RAD51B: variants seen among roughly 807,000 people sequenced by gnomAD.
RAD51B encodes the protein RAD51 paralog B.
Under a neutral mutation model 42.2 loss-of-function variants are expected in RAD51B, and 38 were observed. The ratio of observed to expected loss-of-function variants is 0.90; its 90% CI spans 0.70 to 1.18. The LOEUF (loss-of-function observed/expected upper bound fraction) is 1.18, where lower values mean the gene tolerates loss of function less well. Ranked by LOEUF, RAD51B falls within the 50% of genes most tolerant of loss-of-function variation. The probability of loss-of-function intolerance (pLI) is 0.00; values close to 1 mark genes in which losing one functional copy is unlikely to be tolerated. For synonymous variants in RAD51B, 154 were observed against 145.2 expected, an observed-to-expected ratio of 1.06 and a Z score of -0.43; for missense variants, 373 against 400.7, an observed-to-expected ratio of 0.93 and a Z score of 0.59.
At chr14:68,591,750 C>A (rs1269282534) in intron 10 of RAD51B, among the ~76,000 whole-genome samples, 2 of 152,188 alleles carry the variant, frequency 1.3e-5, no homozygotes, top group Non-Finnish European at 2.9e-5. Context: ...GGTCCTGCTA[C>A]CATGTGGTGC....
At position 68,286,610 on chromosome 14, in the gene RAD51B, A is replaced by G. The variant is rs2081418913; in HGVS notation, c.757-5274A>G. On this transcript the variant is annotated intron_variant, in intron 7 of 10. Coordinates refer to ENST00000471583, the MANE Select transcript of RAD51B (RefSeq NM_133510.4). ...TCTTCACCTGTACATTCTAGTACTC[A>G]TGGAAGGCTCCAGTATACAAAATGG... Among the ~76,000 whole-genome samples the G allele has an allele frequency of 3.3e-5, 5 of 152,298 alleles. No individual in the cohort carries two copies. In the South Asian group the frequency reaches 1.0e-3, roughly 32 times the overall value.
chr14:68,267,292 G>A (rs958699183), intron 7 of RAD51B, among the ~76,000 whole-genome samples: 1 of 152,230 alleles, frequency 6.6e-6, no homozygotes, highest in Admixed American at 6.5e-5. Context: ...CGTGACAACC[G>A]CAGATATTAA....
chr14:68,313,712 C>T (rs1476175452), intron 8 of RAD51B, among the ~76,000 whole-genome samples: 1 of 152,200 alleles, frequency 6.6e-6, no homozygotes, highest in Non-Finnish European at 1.5e-5. Context: ...ACAAAGGAAT[C>T]CTTCACCTCT....
intron 9 of RAD51B, among the ~76,000 whole-genome samples, chr14:68,424,482 A>G (rs2084784681): frequency 6.6e-6 from 1 of 152,166 alleles, no homozygotes; most frequent in African/African-American, 2.4e-5. Flanking sequence ...TGCCTATACC[A>G]AGCTGTTCTC....
At chr14:68,408,509 C>G (rs1415210019) in intron 8 of RAD51B, among the ~76,000 whole-genome samples, 1 of 152,144 alleles carries the variant, frequency 6.6e-6, no homozygotes, top group Admixed American at 6.5e-5. Context: ...CAAATGGGCT[C>G]TCATCCTTTT....
Position 67,825,534 on chromosome 14 carries a change from T to A in RAD51B, c.155T>A (p.Leu52His). 1 of 1,613,654 alleles carries A rather than the reference T, an allele frequency of 6.2e-7. No homozygotes were observed. The highest frequency in any genetic ancestry group is 1.1e-5 in the South Asian group (1 of 91,022). The change falls in exon 3 of 11, where the codon CTT becomes CAT. Residue 52 changes from leucine to histidine, a missense_variant. By Grantham distance (99) the Leu-to-His change is moderately conservative. Transcript: ENST00000471583. Reference protein sequence around the residue: ...TGLSYRGVHELLCMVSRACAP... With the variant: ...TGLSYRGVHEHLCMVSRACAP... ...CTGAGTTATCGAGGTGTCCATGAAC[T>A]TCTATGTATGGTCAGCAGGGCCTGT...
chr14:68,625,282 C>T (rs769482141), intron 10 of RAD51B, among the ~76,000 whole-genome samples: 5 of 152,166 alleles, frequency 3.3e-5, no homozygotes, highest in Admixed American at 3.3e-4. Flanking sequence ...CTCCTCCAGG[C>T]ATTTTACCTG....
intron 7 of RAD51B, among the ~76,000 whole-genome samples, chr14:68,219,660 C>A (rs1056454511): frequency 6.6e-6 from 1 of 152,088 alleles, no homozygotes; most frequent in Non-Finnish European, 1.5e-5. Context: ...AAGGGAGCAC[C>A]CCGTGTCCCA....
chr14:68,463,850 A>T (rs555003053), intron 9 of RAD51B, among the ~76,000 whole-genome samples: 16 of 152,190 alleles, frequency 1.1e-4, no homozygotes, highest in African/African-American at 3.4e-4. Context: ...TGCATCAGGC[A>T]TGGTTTCCTG....
intron 7 of RAD51B, among the ~76,000 whole-genome samples, chr14:67,920,804 T>C (rs887058104): frequency 6.6e-6 from 1 of 151,900 alleles, no homozygotes; most frequent in Admixed American, 6.6e-5. Flanking sequence ...GAAAAAAAAA[T>C]TGACATATAA....
In RAD51B at chr14:68,331,367, CA is replaced by C. The variant is rs778136542; in HGVS notation, c.853+39405del. On this transcript the variant is annotated intron_variant, in intron 8 of 10. Transcript: ENST00000471583. Reference sequence around the variant, plus strand: ...TGGGCTACAGAACGAGACTCTGTCTCAAAAAAAAAAAAAAAAAAGCAATGGT... The same window carrying C: ...TGGGCTACAGAACGAGACTCTGTCTCAAAAAAAAAAAAAAAAAGCAATGGT... Among the ~76,000 whole-genome samples, 324 of 32,946 alleles carry C rather than the reference CA, an allele frequency of 9.8e-3. 28 individuals carry two copies. Among genetic ancestry groups the C allele is most frequent in the South Asian group, 0.033 (21 of 642 alleles). 21.6% of individuals were successfully genotyped at this position (32,946 alleles called of 152,430 possible). A position where few individuals can be genotyped will look rare whatever the true frequency, so the allele number is the denominator to read the frequency against.
At chr14:68,181,721 TC>T in intron 7 of RAD51B, among the ~76,000 whole-genome samples, 1 of 152,218 alleles carries the variant, frequency 6.6e-6, no homozygotes, top group African/African-American at 2.4e-5. Context: ...TGTCTACAGA[TC>T]CTTTCATCTG....
intron 3 of RAD51B, among the ~76,000 whole-genome samples, chr14:67,826,856 T>TC (rs1240971937): frequency 6.6e-6 from 1 of 152,066 alleles, no homozygotes; most frequent in Non-Finnish European, 1.5e-5. Context: ...CTACGTTTTG[T>TC]GTTTTTTGTA....
intron 7 of RAD51B, among the ~76,000 whole-genome samples, chr14:68,025,940 T>C (rs949063300): frequency 2.0e-5 from 3 of 152,198 alleles, no homozygotes; most frequent in African/African-American, 7.2e-5. Flanking sequence ...AGTTGTAAAG[T>C]TAGATTGTTA....
intron 7 of RAD51B, among the ~76,000 whole-genome samples, chr14:67,934,324 T>C (rs974188706): frequency 6.6e-6 from 1 of 151,604 alleles, no homozygotes; most frequent in African/African-American, 2.4e-5. Flanking sequence ...GAGATAAAGA[T>C]AAAAAGAGAG....
rs372149772 is a variant in RAD51B at position 68,388,257 on chromosome 14, C to T, written c.854-23167C>T. 4.9e-4 allele frequency among the ~76,000 whole-genome samples: 75 copies of T among 152,014 alleles called. 2 individuals carry two copies. The highest frequency in any genetic ancestry group is 4.8e-3 in the East Asian group (25 of 5,170). On this transcript the variant is annotated intron_variant, in intron 8 of 10. Coordinates refer to ENST00000471583, the MANE Select transcript of RAD51B (RefSeq NM_133510.4). The stretch of plus-strand genomic sequence containing the variant: ...TGCAGGCGTGCATCATCATGCCCAG[C>T]TAATTTTTGTATTTTTACTACAGAC...
intron 7 of RAD51B, among the ~76,000 whole-genome samples, chr14:68,210,175 G>T (rs987574861): frequency 6.6e-6 from 1 of 152,038 alleles, no homozygotes; most frequent in African/African-American, 2.4e-5. Context: ...GGCCAGGCTG[G>T]TCTCTAACTC....
chr14:68,661,466 A>G (rs1384349647), intron 11 of RAD51B, among the ~76,000 whole-genome samples: 2 of 152,128 alleles, frequency 1.3e-5, no homozygotes, highest in Non-Finnish European at 2.9e-5. Flanking sequence ...GCCCGGGGGA[A>G]ATTCAATCCC....
intron 7 of RAD51B, among the ~76,000 whole-genome samples, chr14:68,214,452 A>G (rs1014507660): frequency 2.6e-5 from 4 of 152,206 alleles, no homozygotes; most frequent in Non-Finnish European, 5.9e-5. Flanking sequence ...AGAATCTTCT[A>G]GCATGGGGAG....
Sources: gnomAD v4.1 joint callset for allele counts (sites outside exome capture counted in the v4.1 genomes callset) on GRCh38, gnomAD v4.1.1 for gene constraint, MANE v1.5 for transcripts, NCBI Gene and HGNC (gene_info 2026-07-23, HGNC 2026-07-21) for gene names.